Variants in SLC28A1 observed in about 807,000 individuals in gnomAD.
The protein encoded by SLC28A1 is sodium/nucleoside cotransporter 1.
SLC28A1 carries 64 observed loss-of-function variants against 74.8 expected under a neutral mutation model. The ratio of observed to expected loss-of-function variants is 0.86; its 90% confidence interval spans 0.70 to 1.05. The LOEUF (loss-of-function observed/expected upper bound fraction) is 1.05. SLC28A1 is among the 50% of genes least tolerant of loss of function. SLC28A1 has a pLI of 0.00. For missense variants in SLC28A1, 828 were observed against 822.8 expected (o/e 1.01, Z -0.08); for synonymous variants, 359 against 335.0 (o/e 1.07, Z -0.78).
At chr15:84,887,633 G>T (rs1281527977) in intron 2 of SLC28A1, 112 bp from the exon 3 acceptor site, 2 of 1,547,550 alleles carry the variant, frequency 1.3e-6, no homozygotes, top group Non-Finnish European at 8.7e-7. Flanking sequence ...GGCTCTGGCT[G>T]TGCCAGGCAT....
the SLC28A1 span, among the ~76,000 whole-genome samples, chr15:84,956,998 C>A: frequency 0.25 from 38,344 of 151,906 alleles, 5,938 homozygotes; most frequent in Non-Finnish European, 0.34. Context: ...AATCCATATA[C>A]CTTGTTTTTT....
intron 6 of SLC28A1, among the ~76,000 whole-genome samples, chr15:84,902,174 T>C (rs1354371124): frequency 2.0e-5 from 3 of 152,126 alleles, no homozygotes; most frequent in East Asian, 3.8e-4. Context: ...AAAATTTATA[T>C]AAAATTCTTA....
chr15:84,940,543 T>A (rs1378817617), intron 15 of SLC28A1: 1 of 153,322 alleles, frequency 6.5e-6, no homozygotes, highest in East Asian at 1.9e-4. Context: ...TCCTTCCCCC[T>A]CATCCTCTTC....
At chr15:84,958,768 A>G in the SLC28A1 span, among the ~76,000 whole-genome samples, 1 of 152,096 alleles carries the variant, frequency 6.6e-6, no homozygotes, top group East Asian at 1.9e-4. Context: ...GTTGCCCAGG[A>G]TGGTCTCAAA....
At chr15:84,889,048 C>T (rs1964957656) in intron 4 of SLC28A1, among the ~76,000 whole-genome samples, 188 bp downstream of exon 4, 2 of 152,270 alleles carry the variant, frequency 1.3e-5, no homozygotes, top group South Asian at 4.1e-4. Context: ...TCACAGGCTC[C>T]CCACCTGCTT....
At chr15:84,887,681 C>A in intron 2 of SLC28A1, 64 bp from the exon 3 acceptor site, 2 of 1,584,120 alleles carry the variant, frequency 1.3e-6, no homozygotes, top group South Asian at 1.1e-5. Flanking sequence ...TTTCCCCGGG[C>A]CCCTAAACTG....
At chr15:84,910,313 T>A (rs1021604629) in intron 9 of SLC28A1, among the ~76,000 whole-genome samples, 1 of 152,216 alleles carries the variant, frequency 6.6e-6, no homozygotes, top group Non-Finnish European at 1.5e-5. Context: ...GCTGCTCCCT[T>A]ACCTTTGCAT....
intron 12 of SLC28A1, among the ~76,000 whole-genome samples, chr15:84,924,910 G>GTT (rs71466063): frequency 6.8e-6 from 1 of 146,424 alleles, no homozygotes; most frequent in African/African-American, 2.5e-5. Flanking sequence ...TTTTTTGTTT[G>GTT]TTTGTTTTTG....
chr15:84,905,595 CG>C lies in SLC28A1; in HGVS notation c.661del (p.Val221SerfsTer22), dbSNP rs756790869. 5.6e-6 allele frequency: 9 copies of C among 1,614,000 alleles called. No homozygotes were observed. In the African/African-American group the frequency reaches 1.1e-4, roughly 19 times the overall value. ...GACTGCAGTTTGTACTTGGACTCCTCGTCATCAGAACAGAACCAGGATTCAT... is the reference window on the plus strand; with the variant it reads ...GACTGCAGTTTGTACTTGGACTCCTCTCATCAGAACAGAACCAGGATTCAT... ...LGLQFVLGLL[V>X]IRTEPGFIAF... On this transcript the variant is annotated frameshift_variant, in exon 8 of 19. Coordinates refer to ENST00000394573, the MANE Select transcript of SLC28A1 (RefSeq NM_004213.5). LOFTEE classifies it high-confidence loss of function.
chr15:84,895,247 C>A, intron 6 of SLC28A1, 124 bp downstream of exon 6: 4 of 1,575,070 alleles, frequency 2.5e-6, no homozygotes, highest in Non-Finnish European at 3.5e-6. Context: ...CTCTCTGGCG[C>A]CCCAGGGCAG....
chr15:84,970,087 A>C, the SLC28A1 span, among the ~76,000 whole-genome samples: 1 of 152,212 alleles, frequency 6.6e-6, no homozygotes, highest in Non-Finnish European at 1.5e-5. Context: ...GAATTTCAGC[A>C]GCTCTGTGAT....
intron 6 of SLC28A1, among the ~76,000 whole-genome samples, chr15:84,902,869 A>C (rs1280409027): frequency 1.3e-5 from 2 of 151,978 alleles, no homozygotes; most frequent in East Asian, 3.9e-4. Context: ...AGCTGGGACT[A>C]CAGGCACCCA....
At chr15:84,939,251 C>T (rs1972355360) in intron 15 of SLC28A1, among the ~76,000 whole-genome samples, 1 of 152,154 alleles carries the variant, frequency 6.6e-6, no homozygotes, top group Non-Finnish European at 1.5e-5. Flanking sequence ...ACCCAGGAGA[C>T]TGGGGCTGCA....
chr15:84,886,010 C>G (rs542891293), intron 1 of SLC28A1: 2 of 378,544 alleles, frequency 5.3e-6, no homozygotes, highest in South Asian at 2.1e-4. Context: ...AGGATTTTGT[C>G]CTGAGCGCGT....
chr15:84,968,663 G>A, the SLC28A1 span, among the ~76,000 whole-genome samples: 1 of 152,246 alleles, frequency 6.6e-6, no homozygotes, highest in Non-Finnish European at 1.5e-5. Flanking sequence ...GGCAGCATTG[G>A]TGCCATCTTG....
chr15:84,937,883 T>C lies in SLC28A1; in HGVS notation c.1581+2365T>C, dbSNP rs181909332. On this transcript the variant is annotated intron_variant, in intron 15 of 18. Transcript: ENST00000394573. ...CTGCACTCCAGCTTGGGCAACAGAG[T>C]GAGACTCTGTCTCAAAAAACAAAAC... 3.4e-3 allele frequency among the ~76,000 whole-genome samples: 471 copies of C among 137,552 alleles called. 5 individuals carry two copies. Among genetic ancestry groups the C allele is most frequent in the Middle Eastern group, 0.023 (5 of 222 alleles). The allele number at this position is 137,552 out of a possible 152,430, so 90.2% of individuals were successfully genotyped here.
intron 4 of SLC28A1, among the ~76,000 whole-genome samples, chr15:84,889,822 T>G (rs781196610): frequency 4.0e-5 from 6 of 151,078 alleles, no homozygotes; most frequent in Admixed American, 1.3e-4. Flanking sequence ...TCTCTTTCTT[T>G]CTTGCTTGCT....
chr15:84,908,881 C>A, intron 9 of SLC28A1, 86 bp downstream of exon 9: 1 of 1,116,530 alleles, frequency 9.0e-7, no homozygotes, highest in Non-Finnish European at 1.4e-6. Context: ...TGGTGGGGGC[C>A]CAGGTGGAGG....
chr15:84,885,000 C>T (rs772494866), intron 1 of SLC28A1, among the ~76,000 whole-genome samples: 7 of 152,098 alleles, frequency 4.6e-5, no homozygotes, highest in South Asian at 2.1e-4. Context: ...GCTCTGTTGC[C>T]GAGGCTGGAG....
Sources: gnomAD v4.1 joint callset for allele counts (sites outside exome capture counted in the v4.1 genomes callset) on GRCh38, gnomAD v4.1.1 for gene constraint, MANE v1.5 for transcripts, NCBI Gene and HGNC (gene_info 2026-07-23, HGNC 2026-07-21) for gene names.